CADM2: variants seen among roughly 807,000 people sequenced by gnomAD.
The protein encoded by CADM2 is cell adhesion molecule 2, also known as immunoglobulin superfamily member 4D.
In CADM2, 12 loss-of-function variants were observed where a neutral mutation model predicts 49.8. The observed-to-expected ratio is 0.24, with a 90% CI of 0.15 to 0.39. The LOEUF (loss-of-function observed/expected upper bound fraction) is 0.39. CADM2 is among the 10% of genes least tolerant of loss of function. The pLI, the probability that CADM2 is intolerant of heterozygous loss-of-function variation, is 1.00. For synonymous variants in CADM2, 214 were observed against 175.4 expected (o/e 1.22, Z -1.74); for missense variants, 378 against 492.3 (o/e 0.77, Z 2.20).
intron 1 of CADM2, among the ~76,000 whole-genome samples, chr3:85,634,589 C>A (rs77637230): frequency 6.6e-6 from 1 of 151,986 alleles, no homozygotes; most frequent in South Asian, 2.1e-4. Context: ...TGCAGTTACA[C>A]ATGCTTGCCA....
At chr3:85,458,036 A>G (rs909699354) in intron 1 of CADM2, among the ~76,000 whole-genome samples, 4 of 152,074 alleles carry the variant, frequency 2.6e-5, no homozygotes, top group Non-Finnish European at 4.4e-5. Flanking sequence ...TCTTTCCACA[A>G]TTCAATCTCT....
intron 1 of CADM2, among the ~76,000 whole-genome samples, chr3:85,410,417 T>C (rs1203792034): frequency 6.6e-6 from 1 of 152,188 alleles, no homozygotes; most frequent in Admixed American, 6.5e-5. Context: ...CCTTTTCCTT[T>C]TTTGTATATT....
chr3:85,967,910 C>T (rs1725663371), intron 8 of CADM2, among the ~76,000 whole-genome samples: 1 of 151,564 alleles, frequency 6.6e-6, no homozygotes, highest in South Asian at 2.1e-4. Context: ...AGGGATTCAA[C>T]TAAAATCTGT....
chr3:85,654,800 G>A (rs2065148267), intron 1 of CADM2, among the ~76,000 whole-genome samples: 1 of 152,102 alleles, frequency 6.6e-6, no homozygotes, highest in African/African-American at 2.4e-5. Context: ...AAGTCTAATT[G>A]TGACATCTTG....
chr3:85,665,095 C>A (rs2065525354), intron 1 of CADM2, among the ~76,000 whole-genome samples: 1 of 151,894 alleles, frequency 6.6e-6, no homozygotes, highest in African/African-American at 2.4e-5. Context: ...GCATTAGGAG[C>A]TGTTATTATT....
intron 1 of CADM2, among the ~76,000 whole-genome samples, chr3:85,587,299 T>C (rs908323877): frequency 6.6e-6 from 1 of 152,072 alleles, no homozygotes; most frequent in Admixed American, 6.6e-5. Flanking sequence ...TATTTATCGA[T>C]CATAAAAAAT....
chr3:85,807,325 A>G (rs1358770699), intron 3 of CADM2, among the ~76,000 whole-genome samples: 2 of 151,940 alleles, frequency 1.3e-5, no homozygotes, highest in South Asian at 2.1e-4. Flanking sequence ...GTGACGAAAA[A>G]CCATCTCTAC....
intron 1 of CADM2, among the ~76,000 whole-genome samples, chr3:85,296,210 T>C (rs2043959808): frequency 6.6e-6 from 1 of 152,050 alleles, no homozygotes; most frequent in Non-Finnish European, 1.5e-5. Flanking sequence ...ATGATGACTT[T>C]GAGAAAGTAA....
intron 2 of CADM2, among the ~76,000 whole-genome samples, chr3:85,787,851 G>T (rs1053833410): frequency 6.6e-6 from 1 of 151,906 alleles, no homozygotes; most frequent in Admixed American, 6.6e-5. Flanking sequence ...CCTCATCTTG[G>T]GCTATACCAT....
In CADM2 at chr3:85,430,787, T is replaced by C. The variant is rs575470149; in HGVS notation, c.62-295735T>C. 4.6e-5 allele frequency among the ~76,000 whole-genome samples: 7 copies of C among 152,196 alleles called. No homozygotes were observed. In the East Asian group the frequency reaches 1.4e-3, roughly 29 times the overall value. ...TATATACTTGTTGTTGTACTTTTGTTACAGTAGAAGGGGCTTGATGCAAAC... is the reference window on the plus strand; with the variant it reads ...TATATACTTGTTGTTGTACTTTTGTCACAGTAGAAGGGGCTTGATGCAAAC... On this transcript the variant is annotated intron_variant, in intron 1 of 9. Coordinates refer to ENST00000383699, the MANE Select transcript of CADM2 (RefSeq NM_001167675.2).
At chr3:84,994,350 T>G (rs1006307114) in intron 1 of CADM2, among the ~76,000 whole-genome samples, 2 of 152,124 alleles carry the variant, frequency 1.3e-5, no homozygotes, top group African/African-American at 4.8e-5. Flanking sequence ...TTAGCTATGG[T>G]TTTTACTGAT....
chr3:85,943,277 T>C (rs369755190), intron 7 of CADM2, among the ~76,000 whole-genome samples: 1 of 135,530 alleles, frequency 7.4e-6, no homozygotes, highest in Non-Finnish European at 1.5e-5. Flanking sequence ...TTCTCCCATT[T>C]TGTAGGTTGC....
intron 1 of CADM2, among the ~76,000 whole-genome samples, chr3:85,116,990 T>G (rs2038661879): frequency 1.3e-5 from 2 of 151,754 alleles, no homozygotes; most frequent in African/African-American, 4.8e-5. Context: ...AGGTCAGGAG[T>G]TCTAGACCAA....
At chr3:85,159,523 C>G (rs1442182392) in intron 1 of CADM2, among the ~76,000 whole-genome samples, 1 of 152,126 alleles carries the variant, frequency 6.6e-6, no homozygotes, top group Non-Finnish European at 1.5e-5. Flanking sequence ...TCAGTGGTTT[C>G]ACATGAGACA....
chr3:85,198,929 A>G (rs2041415027), intron 1 of CADM2, among the ~76,000 whole-genome samples: 1 of 151,876 alleles, frequency 6.6e-6, no homozygotes, highest in African/African-American at 2.4e-5. Context: ...CTGCATTGAA[A>G]CAAGTTCATT....
chr3:85,673,548 G>T (rs1484196794), intron 1 of CADM2, among the ~76,000 whole-genome samples: 3 of 150,860 alleles, frequency 2.0e-5, no homozygotes, highest in Non-Finnish European at 3.0e-5. Flanking sequence ...TTAAGGGGAA[G>T]TACCTAAAAA....
chr3:85,496,590 T>A (rs1187844513), intron 1 of CADM2, among the ~76,000 whole-genome samples: 1 of 152,210 alleles, frequency 6.6e-6, no homozygotes, highest in South Asian at 2.1e-4. Context: ...ATGGAGGTTC[T>A]CTTTTTAGTT....
intron 1 of CADM2, among the ~76,000 whole-genome samples, chr3:85,658,799 C>G (rs2065302403): frequency 6.7e-6 from 1 of 150,128 alleles, no homozygotes; most frequent in Non-Finnish European, 1.5e-5. Context: ...ACCTGTAATT[C>G]CAGTGCTTTG....
intron 1 of CADM2, among the ~76,000 whole-genome samples, chr3:85,598,827 C>A (rs1185341261): frequency 6.9e-6 from 1 of 144,176 alleles, no homozygotes; most frequent in Non-Finnish European, 1.5e-5. Flanking sequence ...CATTTGCATA[C>A]CATGCATATA....
Sources: gnomAD v4.1 joint callset for allele counts (sites outside exome capture counted in the v4.1 genomes callset) on GRCh38, gnomAD v4.1.1 for gene constraint, MANE v1.5 for transcripts, NCBI Gene and HGNC (gene_info 2026-07-23, HGNC 2026-07-21) for gene names.